DIP2C: variants seen among roughly 807,000 people sequenced by gnomAD.
DIP2C encodes disco-interacting protein 2 homolog C.
Under a neutral mutation model 192.4 loss-of-function variants are expected in DIP2C, and 33 were observed. The observed-to-expected ratio is 0.17, with a 90% CI of 0.13 to 0.23. The LOEUF is 0.23. DIP2C is among the 10% of genes least tolerant of loss of function. DIP2C has a pLI of 1.00. For synonymous variants in DIP2C, 979 were observed against 864.1 expected (o/e 1.13, Z -2.33); for missense variants, 1,537 against 2,110.1 (o/e 0.73, Z 5.32).
At chr10:629,878 C>T (rs1336537129) in intron 1 of DIP2C, 1 of 152,262 alleles carries the variant, frequency 6.6e-6, no homozygotes, top group Non-Finnish European at 1.5e-5. Flanking sequence ...GGACTCCATC[C>T]TTTGCAATGT....
intron 1 of DIP2C, among the ~76,000 whole-genome samples, chr10:597,203 G>C (rs1301650138): frequency 2.6e-5 from 4 of 152,202 alleles, no homozygotes; most frequent in African/African-American, 9.6e-5. Flanking sequence ...CGGTGCTCCT[G>C]GGTCTCAGCT....
chr10:394,474 G>C (rs1963791189), intron 10 of DIP2C, among the ~76,000 whole-genome samples: 1 of 152,094 alleles, frequency 6.6e-6, no homozygotes, highest in South Asian at 2.1e-4. Context: ...TCTGCCGTGT[G>C]CTGAACCGGA....
intron 1 of DIP2C, among the ~76,000 whole-genome samples, chr10:648,221 C>G (rs1020370554): frequency 2.7e-4 from 40 of 147,570 alleles, no homozygotes; most frequent in Non-Finnish European, 4.0e-4. Flanking sequence ...TGGGCGAGAA[C>G]AGAGGGAAAC....
chr10:481,621 AT>A (rs994144131), intron 2 of DIP2C, among the ~76,000 whole-genome samples: 5 of 152,244 alleles, frequency 3.3e-5, no homozygotes, highest in African/African-American at 1.2e-4. Context: ...ACCATCTGCC[AT>A]TTAAATTTAC....
rs112539860 is a variant in DIP2C, at chr10:336,895, G to GGTGTGTGTGTGTGTGTGT, written c.3584+4286_3584+4303dup. ...TGCGCGTGTTGTGGAGGCCTAGGCA[G>GGTGTGTGTGTGTGTGTGT]GTGTGTGTGTGTGTGTGTGTGTGTG... On this transcript the variant is annotated intron_variant, in intron 29 of 36. Coordinates refer to ENST00000280886, the MANE Select transcript of DIP2C (RefSeq NM_014974.3). Among the ~76,000 whole-genome samples the GGTGTGTGTGTGTGTGTGT allele has an allele frequency of 3.3e-5, 3 of 91,724 alleles. 1 individual carries two copies. The highest frequency in any genetic ancestry group is 5.2e-5 in the Non-Finnish European group (2 of 38,694). 60.2% of individuals were successfully genotyped at this position (91,724 alleles called of 152,430 possible).
Position 650,734 on chromosome 10 carries a change from C to T in DIP2C, c.85+38760G>A, listed in dbSNP as rs913316159. On this transcript the variant is annotated intron_variant, in intron 1 of 36. Transcript: ENST00000280886. ...CCAGAGTGCTCTGGGCCGACCCCCC[C>T]TCATGCTCACTTCCCTGCATAAGTT... 3.1e-5 allele frequency: 20 copies of T among 639,768 alleles called. No homozygotes were observed. In the East Asian group the frequency reaches 3.3e-4, roughly 10 times the overall value. The allele number at this position is 639,768 out of a possible 1,614,324, so 39.6% of individuals were successfully genotyped here.
At chr10:508,816 G>A (rs943621667) in intron 1 of DIP2C, among the ~76,000 whole-genome samples, 1 of 152,206 alleles carries the variant, frequency 6.6e-6, no homozygotes, top group Non-Finnish European at 1.5e-5. Context: ...GAGATGGGAA[G>A]TTGTGTACTA....
chr10:661,190 G>A (rs1588709746), intron 1 of DIP2C, among the ~76,000 whole-genome samples: 1 of 152,210 alleles, frequency 6.6e-6, no homozygotes, highest in Non-Finnish European at 1.5e-5. Flanking sequence ...ACCGCACCGA[G>A]TGGATGACTT....
intron 34 of DIP2C, among the ~76,000 whole-genome samples, chr10:283,736 T>C (rs1257958559): frequency 6.6e-6 from 1 of 152,164 alleles, no homozygotes; most frequent in African/African-American, 2.4e-5. Context: ...GTTTTAAAAA[T>C]ATACACATCA....
At chr10:681,130 G>A (rs1440856606) in intron 1 of DIP2C, among the ~76,000 whole-genome samples, 1 of 151,570 alleles carries the variant, frequency 6.6e-6, no homozygotes, top group African/African-American at 2.4e-5. Flanking sequence ...GAGGAATGCA[G>A]ACCCTCAGTC....
chr10:483,749 C>T (rs775695280), intron 2 of DIP2C, among the ~76,000 whole-genome samples: 20 of 152,142 alleles, frequency 1.3e-4, no homozygotes, highest in Non-Finnish European at 1.3e-4. Flanking sequence ...GGAGGCGAGG[C>T]GGGGTGTCCT....
chr10:484,896 C>T (rs1052615939), intron 2 of DIP2C: 12 of 1,611,670 alleles, frequency 7.4e-6, no homozygotes, highest in Middle Eastern at 1.6e-4. Context: ...TTCTCCTCGG[C>T]GCTCCTTCAC....
chr10:338,908 C>T (rs1206230755), intron 29 of DIP2C, among the ~76,000 whole-genome samples: 1 of 148,208 alleles, frequency 6.7e-6, no homozygotes. Context: ...GCTCCCACAG[C>T]CCACGCCACC....
At chr10:359,193 G>A (rs1048610026) in intron 22 of DIP2C, among the ~76,000 whole-genome samples, 20 of 152,188 alleles carry the variant, frequency 1.3e-4, no homozygotes, top group Admixed American at 3.3e-4. Flanking sequence ...AAAAGCTCAC[G>A]GAAATGGTGG....
intron 5 of DIP2C, among the ~76,000 whole-genome samples, chr10:422,242 C>T (rs529801746): frequency 4.3e-4 from 65 of 152,344 alleles, no homozygotes; most frequent in African/African-American, 1.4e-3. Context: ...GGCAGAGCGA[C>T]GTGAGGCCCA....
intron 4 of DIP2C, among the ~76,000 whole-genome samples, chr10:434,440 T>C (rs937488872): frequency 7.9e-5 from 12 of 152,200 alleles, no homozygotes; most frequent in South Asian, 2.1e-4. Flanking sequence ...TCAGCCACCA[T>C]GTTTGGCTTT....
chr10:374,823 G>T (rs1174819632), intron 17 of DIP2C, among the ~76,000 whole-genome samples: 1 of 152,068 alleles, frequency 6.6e-6, no homozygotes, highest in African/African-American at 2.4e-5. Flanking sequence ...AATTCGAGGG[G>T]GTTTAAAAAA....
At chr10:497,525 C>T (rs975522433) in intron 1 of DIP2C, among the ~76,000 whole-genome samples, 3 of 152,282 alleles carry the variant, frequency 2.0e-5, no homozygotes, top group Non-Finnish European at 2.9e-5. Context: ...CCTTCACTTG[C>T]GAACTGTTTG....
At chr10:571,252 C>T (rs1441176642) in intron 1 of DIP2C, among the ~76,000 whole-genome samples, 2 of 152,242 alleles carry the variant, frequency 1.3e-5, no homozygotes, top group African/African-American at 4.8e-5. Context: ...TGCGGACGAC[C>T]TCTTCGGGAT....
Sources: allele counts gnomAD v4.1 joint callset (sites outside exome capture counted in the v4.1 genomes callset), GRCh38; gene constraint gnomAD v4.1.1; transcripts MANE v1.5; gene names NCBI Gene and HGNC (gene_info 2026-07-23, HGNC 2026-07-21).